HDAC9: variants seen among roughly 807,000 people sequenced by gnomAD.
HDAC9 encodes the protein histone deacetylase 9.
Under a neutral mutation model 139.4 loss-of-function variants are expected in HDAC9, and 41 were observed. The ratio of observed to expected loss-of-function variants is 0.29; its 90% confidence interval spans 0.23 to 0.38. The LOEUF (loss-of-function observed/expected upper bound fraction) is 0.38, where lower values mean the gene tolerates loss of function less well. Ranked by LOEUF, HDAC9 falls within the 10% of genes least tolerant of loss-of-function variation. HDAC9 has a pLI of 1.00. For synonymous variants in HDAC9, 517 were observed against 476.2 expected, an observed-to-expected ratio of 1.09 and a Z score of -1.12; for missense variants, 1,147 against 1,297.0, an observed-to-expected ratio of 0.88 and a Z score of 1.78.
intron 6 of HDAC9, among the ~76,000 whole-genome samples, chr7:18,621,938 T>C (rs1293710554): frequency 6.6e-6 from 1 of 152,226 alleles, no homozygotes; most frequent in Admixed American, 6.5e-5. Context: ...GAACAGTTTC[T>C]AGATTTCTAC....
intron 16 of HDAC9, among the ~76,000 whole-genome samples, chr7:18,773,224 A>T (rs551979246): frequency 1.2e-3 from 185 of 152,202 alleles, no homozygotes; most frequent in Non-Finnish European, 2.2e-3. Flanking sequence ...TTTCTTATTT[A>T]AAGTAAACAT....
intron 1 of HDAC9, among the ~76,000 whole-genome samples, chr7:18,364,830 T>G (rs1784055273): frequency 6.6e-6 from 1 of 152,068 alleles, no homozygotes; most frequent in Non-Finnish European, 1.5e-5. Context: ...AGAAATCAGG[T>G]ATTGATAATT....
intron 24 of HDAC9, 102 bp from the exon 25 acceptor site, chr7:18,975,704 A>G: frequency 9.1e-7 from 1 of 1,095,020 alleles, no homozygotes; most frequent in Non-Finnish European, 1.3e-6. Flanking sequence ...TAACATGGGG[A>G]ATTTTAACTT....
At chr7:18,988,580 C>G (rs879637147) in intron 25 of HDAC9, among the ~76,000 whole-genome samples, 4 of 151,998 alleles carry the variant, frequency 2.6e-5, no homozygotes, top group Admixed American at 6.6e-5. Flanking sequence ...CTATCAGGTC[C>G]GCTTGGTGCA....
chr7:18,086,849 C>CCGCTCAG (rs1781815729), upstream of HDAC9: 1 of 149,110 alleles, frequency 6.7e-6, no homozygotes, highest in Non-Finnish European at 1.5e-5. Context: ...GCGCCGCCGC[C>CCGCTCAG]CGCTCAGCTC....
At chr7:18,975,693 A>C in intron 24 of HDAC9, 113 bp from the exon 25 acceptor site, 1 of 981,614 alleles carries the variant, frequency 1.0e-6, no homozygotes, top group South Asian at 1.6e-5. Context: ...ACAACTGTGT[A>C]TAACATGGGG....
At chr7:18,247,850 A>G (rs1034842491) in intron 2 of HDAC9, among the ~76,000 whole-genome samples, 4 of 152,208 alleles carry the variant, frequency 2.6e-5, no homozygotes, top group Admixed American at 6.5e-5. Flanking sequence ...TTTCTGGAAC[A>G]CTAATAATAA....
intron 17 of HDAC9, among the ~76,000 whole-genome samples, chr7:18,798,285 C>T (rs1792982908): frequency 6.6e-6 from 1 of 152,052 alleles, no homozygotes; most frequent in Admixed American, 6.6e-5. Flanking sequence ...TTCTTTTCTC[C>T]ATAAAAACAA....
At chr7:18,564,571 A>G (rs1821665766) in intron 2 of HDAC9, among the ~76,000 whole-genome samples, 1 of 152,222 alleles carries the variant, frequency 6.6e-6, no homozygotes, top group South Asian at 2.1e-4. Context: ...ACAGGATAGA[A>G]GATGTCCATT....
chr7:18,471,124 C>A (rs1794690444), intron 1 of HDAC9, among the ~76,000 whole-genome samples: 1 of 151,798 alleles, frequency 6.6e-6, no homozygotes, highest in Non-Finnish European at 1.5e-5. Flanking sequence ...AGTTAAAGTT[C>A]AAAAATGGAA....
intron 17 of HDAC9, among the ~76,000 whole-genome samples, chr7:18,796,327 C>T (rs913062238): frequency 1.3e-5 from 2 of 152,190 alleles, no homozygotes; most frequent in African/African-American, 4.8e-5. Flanking sequence ...TGAACTTGAC[C>T]ATGGCTAACC....
intron 12 of HDAC9, among the ~76,000 whole-genome samples, chr7:18,669,772 A>G (rs941308498): frequency 6.6e-6 from 1 of 151,910 alleles, no homozygotes; most frequent in South Asian, 2.1e-4. Context: ...ATCCAGCATT[A>G]GAAAACTTTT....
intron 22 of HDAC9, among the ~76,000 whole-genome samples, chr7:18,923,609 G>A (rs981386031): frequency 7.2e-5 from 11 of 151,946 alleles, no homozygotes; most frequent in African/African-American, 2.4e-4. Context: ...TACCTTAAGT[G>A]TCTTGAAGTG....
At chr7:18,356,489 C>A (rs1783314139) in intron 1 of HDAC9, among the ~76,000 whole-genome samples, 1 of 150,082 alleles carries the variant, frequency 6.7e-6, no homozygotes, top group African/African-American at 2.4e-5. Context: ...GGAGGACCTT[C>A]CTATAGTGAC....
At chr7:18,835,137 C>T (rs904919295) in intron 19 of HDAC9, among the ~76,000 whole-genome samples, 2 of 152,036 alleles carry the variant, frequency 1.3e-5, no homozygotes, top group African/African-American at 2.4e-5. Context: ...TACAAAGAGC[C>T]GGTGTATAAA....
At chr7:18,260,638 A>G (rs1000007167) in intron 2 of HDAC9, 1 of 154,208 alleles carries the variant, frequency 6.5e-6, no homozygotes, top group Non-Finnish European at 1.5e-5. Flanking sequence ...TATTTAAAAC[A>G]TTATTTCCTT....
Position 18,862,356 on chromosome 7 carries a change from T to A in HDAC9, c.2685-12122T>A, listed in dbSNP as rs114803245. ...ATAGAATAATAGAGCCGCATATGAC[T>A]TTAGAGTTAATCTAAATGAATCCCC... On this transcript the variant is annotated intron_variant, in intron 21 of 25. Transcript: ENST00000686413. Among the ~76,000 whole-genome samples the A allele has an allele frequency of 5.6e-3, 849 of 152,296 alleles. 8 individuals carry two copies. The highest frequency in any genetic ancestry group is 0.02 in the African/African-American group (822 of 41,564).
At chr7:18,832,429 G>A (rs1795919137) in intron 19 of HDAC9, among the ~76,000 whole-genome samples, 1 of 152,162 alleles carries the variant, frequency 6.6e-6, no homozygotes. Context: ...ACATAATAGT[G>A]AAAATATACA....
At chr7:18,458,621 G>T (rs999597236) in intron 1 of HDAC9, among the ~76,000 whole-genome samples, 3 of 152,140 alleles carry the variant, frequency 2.0e-5, no homozygotes, top group South Asian at 2.1e-4. Context: ...GTTTCCTTTT[G>T]CAGTGTTCTG....
Sources: allele counts gnomAD v4.1 joint callset (sites outside exome capture counted in the v4.1 genomes callset), GRCh38; gene constraint gnomAD v4.1.1; transcripts MANE v1.5; gene names NCBI Gene and HGNC (gene_info 2026-07-23, HGNC 2026-07-21).